TRIM33: variants seen among roughly 807,000 people sequenced by gnomAD.
TRIM33 encodes tripartite motif containing 33, also known as E3 ubiquitin-protein ligase TRIM33.
A neutral mutation model predicts 125.4 loss-of-function variants in TRIM33; 20 were observed. The ratio of observed to expected loss-of-function variants is 0.16; its 90% CI spans 0.11 to 0.23. The LOEUF is 0.23. Among genes scored for constraint, TRIM33 ranks in the 10% least tolerant of loss-of-function variants. The pLI is 1.00. For missense variants in TRIM33, 920 were observed against 1,411.4 expected, an observed-to-expected ratio of 0.65 and a Z score of 5.58; for synonymous variants, 564 against 513.9, an observed-to-expected ratio of 1.10 and a Z score of -1.32.
At chr1:114,490,503 G>A (rs546995125) in intron 1 of TRIM33, among the ~76,000 whole-genome samples, 198 of 152,228 alleles carry the variant, frequency 1.3e-3, no homozygotes, top group Non-Finnish European at 2.3e-3. Flanking sequence ...TTAAATATAA[G>A]TTACCACACA....
chr1:114,447,374 A>G (rs1387518602), intron 4 of TRIM33, among the ~76,000 whole-genome samples: 1 of 152,034 alleles, frequency 6.6e-6, no homozygotes, highest in African/African-American at 2.4e-5. Context: ...TGGTGCCAAG[A>G]TTTTTGGCCT....
chr1:114,434,596 T>C (rs527855717), intron 4 of TRIM33, among the ~76,000 whole-genome samples: 1 of 152,362 alleles, frequency 6.6e-6, no homozygotes, highest in South Asian at 2.1e-4. Context: ...AATAGTTTTC[T>C]TTGCTACTTT....
chr1:114,478,852 A>T (rs1245050080), intron 1 of TRIM33, among the ~76,000 whole-genome samples: 1 of 152,120 alleles, frequency 6.6e-6, no homozygotes, highest in East Asian at 1.9e-4. Flanking sequence ...GTTCGAGACC[A>T]GCCTGGCCAA....
At chr1:114,427,650 T>C in intron 7 of TRIM33, 98 bp downstream of exon 7, 1 of 1,304,810 alleles carries the variant, frequency 7.7e-7, no homozygotes, top group Non-Finnish European at 1.0e-6. Context: ...TGGTTACATT[T>C]GCCAAAATTA....
intron 1 of TRIM33, among the ~76,000 whole-genome samples, chr1:114,467,579 G>C (rs1206415259): frequency 6.6e-6 from 1 of 152,080 alleles, no homozygotes; most frequent in African/African-American, 2.4e-5. Context: ...TTAGGAGACA[G>C]CTTTCAAACA....
rs1553204065 is a variant in TRIM33, at chr1:114,397,604, TTC to T, written c.*42_*43del. On this transcript the variant is annotated 3_prime_UTR_variant, in exon 20 of 20. Transcript: ENST00000358465. ...GGTTTTTTGTGTTTTTTTTTTTTTT[TTC>T]GTTTTTTTTTTTTTAAACAATTGAT... The T allele has an allele frequency of 3.2e-5, 38 of 1,180,366 alleles. No homozygotes were observed. Among genetic ancestry groups the T allele is most frequent in the East Asian group, 1.5e-4 (6 of 40,048 alleles). 73.1% of individuals were successfully genotyped at this position (1,180,366 alleles called of 1,614,324 possible).
At chr1:114,493,768 G>A (rs1304326671) in intron 1 of TRIM33, among the ~76,000 whole-genome samples, 3 of 152,030 alleles carry the variant, frequency 2.0e-5, no homozygotes, top group Non-Finnish European at 2.9e-5. Context: ...ACCTCCCCAG[G>A]TTCAAACAAT....
chr1:114,463,124 T>C lies in TRIM33; in HGVS notation c.903A>G (p.Leu301=), dbSNP rs759095390. ...TGTACCTATGTTCTTTGTGTTCCAA[T>C]AGCTGACAGTCTCTACATGTCAATC... ...CDRLTCRDCQ[L]LEHKEHRYQF... Residue 301 remains leucine (L), a synonymous_variant, in exon 4 of 20, where the codon CTA becomes CTG. Coordinates refer to ENST00000358465, the MANE Select transcript of TRIM33 (RefSeq NM_015906.4). 6.2e-7 allele frequency: 1 copy of C among 1,604,682 alleles called. No individual in the cohort carries two copies. The highest frequency in any genetic ancestry group is 8.5e-7 in the Non-Finnish European group (1 of 1,177,444).
intron 11 of TRIM33, among the ~76,000 whole-genome samples, chr1:114,418,602 T>C (rs568813564): frequency 7.2e-5 from 11 of 152,270 alleles, no homozygotes; most frequent in Admixed American, 5.2e-4. Context: ...TGCTAAGGTG[T>C]TGACATAAAG....
chr1:114,461,436 G>A (rs938592469), intron 4 of TRIM33, among the ~76,000 whole-genome samples: 6 of 151,218 alleles, frequency 4.0e-5, no homozygotes, highest in African/African-American at 7.3e-5. Context: ...GGTAGACGGC[G>A]ACAGAACTGA....
At chr1:114,420,392 C>G (rs765465520) in intron 11 of TRIM33, 96 of 1,334,064 alleles carry the variant, frequency 7.2e-5, no homozygotes, top group Non-Finnish European at 9.1e-5. Context: ...CATTTTGGTC[C>G]TGGGTCTTCT....
chr1:114,486,769 GGA>G (rs1031676961), intron 1 of TRIM33, among the ~76,000 whole-genome samples: 2 of 152,022 alleles, frequency 1.3e-5, no homozygotes, highest in African/African-American at 4.8e-5. Flanking sequence ...AGTTCCAGAA[GGA>G]GAGGAGTACA....
chr1:114,415,770 G>A (rs1444253012), intron 11 of TRIM33, among the ~76,000 whole-genome samples: 1 of 151,970 alleles, frequency 6.6e-6, no homozygotes, highest in Non-Finnish European at 1.5e-5. Flanking sequence ...GGCCAACATG[G>A]TGAAACCCTG....
At chr1:114,480,291 A>T (rs1651237410) in intron 1 of TRIM33, among the ~76,000 whole-genome samples, 1 of 152,032 alleles carries the variant, frequency 6.6e-6, no homozygotes, top group Admixed American at 6.6e-5. Flanking sequence ...TATGCTCCTT[A>T]AGAGTCATCA....
At chr1:114,416,919 T>G (rs1652973396) in intron 11 of TRIM33, among the ~76,000 whole-genome samples, 1 of 152,208 alleles carries the variant, frequency 6.6e-6, no homozygotes, top group South Asian at 2.1e-4. Flanking sequence ...GTACACTACG[T>G]TCATACTTGT....
Position 114,490,019 on chromosome 1 carries a change from G to T in TRIM33, c.526+20532C>A, listed in dbSNP as rs571585947. ...TAATCCCAGCACTTTAGGAGGCCGA[G>T]GCAGGAAGATTGTTAGGGCCCAGAA... On this transcript the variant is annotated intron_variant, in intron 1 of 19. Coordinates refer to ENST00000358465, the MANE Select transcript of TRIM33 (RefSeq NM_015906.4). Among the ~76,000 whole-genome samples, 27 of 147,410 alleles carry T rather than the reference G, an allele frequency of 1.8e-4. No individual in the cohort carries two copies. In the South Asian group the frequency reaches 5.8e-3, roughly 32 times the overall value.
chr1:114,486,288 C>T (rs1195581638), intron 1 of TRIM33, among the ~76,000 whole-genome samples: 1 of 150,364 alleles, frequency 6.7e-6, no homozygotes, highest in Non-Finnish European at 1.5e-5. Context: ...AACGGCAATA[C>T]GAATGTCCTT....
At position 114,397,636 on chromosome 1, in the gene TRIM33, A is replaced by AAAAATT; in HGVS notation, c.*11_*12insAATTTT. 1 of 1,433,140 alleles carries AAAAATT rather than the reference A, an allele frequency of 7.0e-7. No homozygotes were observed. The highest frequency in any genetic ancestry group is 9.5e-7 in the Non-Finnish European group (1 of 1,048,442). The allele number at this position is 1,433,140 out of a possible 1,614,324, so 88.8% of individuals were successfully genotyped here. A position where few individuals can be genotyped will look rare whatever the true frequency, so the allele number is the denominator to read the frequency against. ...TTTTTTTTTTAAACAATTGATTTAA[A>AAAAATT]TCCATGTCATTTTACTTTATATGTA... is the stretch of plus-strand genomic sequence containing the variant. On this transcript the variant is annotated 3_prime_UTR_variant, in exon 20 of 20. Coordinates refer to ENST00000358465, the MANE Select transcript of TRIM33 (RefSeq NM_015906.4).
rs535550393 is a variant in TRIM33, at chr1:114,396,395, A to G, written c.*1253T>C. ...AGTCCTTTAAGCCCCCAGTCCATGC[A>G]AATGTCCCACTTGGTGGACAGATGA... On this transcript the variant is annotated 3_prime_UTR_variant, in exon 20 of 20. Transcript: ENST00000358465. 44 of 201,164 alleles carry G rather than the reference A, an allele frequency of 2.2e-4. No individual in the cohort carries two copies. The highest frequency in any genetic ancestry group is 3.5e-4 in the Non-Finnish European group (34 of 97,438). 12.5% of individuals were successfully genotyped at this position (201,164 alleles called of 1,614,324 possible).
Sources: allele counts gnomAD v4.1 joint callset (sites outside exome capture counted in the v4.1 genomes callset), GRCh38; gene constraint gnomAD v4.1.1; transcripts MANE v1.5; gene names NCBI Gene and HGNC (gene_info 2026-07-23, HGNC 2026-07-21).